The following WDHD1 variants were observed in gnomAD, a reference collection of about 807,000 sequenced individuals.
WDHD1 encodes the protein WD repeat and HMG-box DNA binding protein 1.
In WDHD1, 111 loss-of-function variants were observed where a neutral mutation model predicts 135.4. The observed-to-expected ratio is 0.82, with a 90% CI of 0.70 to 0.96. The LOEUF (loss-of-function observed/expected upper bound fraction) is 0.96, where lower values mean the gene tolerates loss of function less well. WDHD1 is among the 40% of genes least tolerant of loss of function. WDHD1 has a pLI of 0.00. For synonymous variants in WDHD1, 434 were observed against 439.0 expected (o/e 0.99, Z 0.14); for missense variants, 1,351 against 1,336.3 (o/e 1.01, Z -0.17).
intron 15 of WDHD1, among the ~76,000 whole-genome samples, chr14:54,982,013 TA>T (rs1002723859): frequency 1.3e-5 from 2 of 151,490 alleles, no homozygotes; most frequent in African/African-American, 4.9e-5. Context: ...TTATTATTAT[TA>T]TTTTTTTTTT....
chr14:55,007,086 G>A (rs1222702046), intron 7 of WDHD1, among the ~76,000 whole-genome samples, 194 bp downstream of exon 7: 1 of 151,814 alleles, frequency 6.6e-6, no homozygotes, highest in Admixed American at 6.6e-5. Context: ...AAATTAGCTG[G>A]GCATGGCAGT....
chr14:54,943,974 T>C (rs941665585), intron 25 of WDHD1, among the ~76,000 whole-genome samples: 12 of 151,990 alleles, frequency 7.9e-5, no homozygotes, highest in African/African-American at 2.9e-4. Context: ...AAAAAACCCA[T>C]CACCATTACA....
chr14:54,960,892 T>C (rs1307238092), intron 21 of WDHD1, among the ~76,000 whole-genome samples: 2 of 152,184 alleles, frequency 1.3e-5, no homozygotes, highest in Non-Finnish European at 2.9e-5. Flanking sequence ...CTCGAACTCC[T>C]GGGCTCAAGA....
chr14:55,006,942 T>C (rs114512008), intron 7 of WDHD1, among the ~76,000 whole-genome samples: 198 of 152,112 alleles, frequency 1.3e-3, no homozygotes, highest in African/African-American at 4.6e-3. Context: ...AAAATAAGAA[T>C]CATGCCAGGC....
rs886427406 is a variant in WDHD1, at chr14:54,997,037, G to A, written c.943-1224C>T. On this transcript the variant is annotated intron_variant, in intron 10 of 25. Transcript: ENST00000360586. Reference sequence around the variant, plus strand: ...GATCTCTTGACCTCGTGATCCACCCGCCTCAGACTCCCAAAGTGCTGGGAT... The same window carrying A: ...GATCTCTTGACCTCGTGATCCACCCACCTCAGACTCCCAAAGTGCTGGGAT... Among the ~76,000 whole-genome samples, 4 of 146,172 alleles carry A rather than the reference G, an allele frequency of 2.7e-5. No homozygotes were observed. In the South Asian group the frequency reaches 6.5e-4, roughly 24 times the overall value.
Position 54,989,186 on chromosome 14 carries a change from G to A in WDHD1, c.1368C>T (p.Arg456=), listed in dbSNP as rs940643503. The A allele has an allele frequency of 2.5e-6, 4 of 1,612,914 alleles. No homozygotes were observed. In the African/African-American group the frequency reaches 5.3e-5, roughly 22 times the overall value. The change falls in exon 13 of 26, where the codon CGC becomes CGT. Residue 456 remains arginine, a synonymous_variant. Coordinates refer to ENST00000360586, the MANE Select transcript of WDHD1 (RefSeq NM_007086.4). ...FMVWNSIGII[R]CYNDEQDNAI... ...CATTGTCTTGCTCATCATTATAGCA[G>A]CGAATAATTCCAATAGAGTTCCACA...
At chr14:54,997,687 C>G (rs1288014487) in intron 10 of WDHD1, among the ~76,000 whole-genome samples, 1 of 150,152 alleles carries the variant, frequency 6.7e-6, no homozygotes, top group Non-Finnish European at 1.5e-5. Flanking sequence ...CCGAGGTGGG[C>G]AGATCACGAG....
intron 9 of WDHD1, 47 bp downstream of exon 9, chr14:55,000,839 C>CTATT: frequency 7.4e-7 from 1 of 1,358,824 alleles, no homozygotes; most frequent in Non-Finnish European, 9.8e-7. Context: ...AAATACAAAA[C>CTATT]TAATAGAGAT....
intron 7 of WDHD1, among the ~76,000 whole-genome samples, chr14:55,006,065 T>C (rs2042064141): frequency 6.6e-6 from 1 of 152,002 alleles, no homozygotes; most frequent in Non-Finnish European, 1.5e-5. Context: ...GGTCTTGCTA[T>C]GTTGCCCAGG....
At chr14:54,948,186 G>C (rs1465210273) in intron 24 of WDHD1, among the ~76,000 whole-genome samples, 1 of 152,094 alleles carries the variant, frequency 6.6e-6, no homozygotes, top group Non-Finnish European at 1.5e-5. Flanking sequence ...TCTCACTAGG[G>C]CTTGTCGGAC....
At chr14:54,978,630 T>C (rs1000543812) in intron 16 of WDHD1, among the ~76,000 whole-genome samples, 1 of 151,826 alleles carries the variant, frequency 6.6e-6, no homozygotes, top group African/African-American at 2.4e-5. Context: ...TGATACTAAA[T>C]ATGTCAATAT....
At chr14:55,004,840 G>A in intron 7 of WDHD1, 1 of 501,924 alleles carries the variant, frequency 2.0e-6, no homozygotes, top group East Asian at 5.3e-5. Flanking sequence ...TTGTTCCTAT[G>A]CATTCAGTGG....
chr14:54,989,440 T>C (rs2041749059), intron 12 of WDHD1, among the ~76,000 whole-genome samples: 1 of 152,112 alleles, frequency 6.6e-6, no homozygotes, highest in Non-Finnish European at 1.5e-5. Flanking sequence ...CATATATACT[T>C]ATTAATTAGC....
chr14:55,001,812 T>G (rs1336693857), intron 8 of WDHD1, among the ~76,000 whole-genome samples: 1 of 152,250 alleles, frequency 6.6e-6, no homozygotes, highest in Non-Finnish European at 1.5e-5. Flanking sequence ...ATCACAAGTC[T>G]CAGTGAAACT....
intron 23 of WDHD1, among the ~76,000 whole-genome samples, chr14:54,956,800 G>T (rs1329171754): frequency 6.6e-6 from 1 of 152,092 alleles, no homozygotes; most frequent in Non-Finnish European, 1.5e-5. Flanking sequence ...ATGTTTCCCA[G>T]ACTGGACTCA....
At chr14:55,026,319 G>T (rs988218606) in intron 2 of WDHD1, among the ~76,000 whole-genome samples, 1 of 150,824 alleles carries the variant, frequency 6.6e-6, no homozygotes, top group African/African-American at 2.5e-5. Flanking sequence ...CCGTCAAAAA[G>T]TTAAAAAAAA....
At chr14:55,020,824 A>G (rs1020058209) in intron 2 of WDHD1, among the ~76,000 whole-genome samples, 2 of 152,220 alleles carry the variant, frequency 1.3e-5, no homozygotes, top group Admixed American at 6.5e-5. Flanking sequence ...CAATTAACAC[A>G]TATTTTGTCT....
At chr14:55,000,431 T>C (rs775526469) in intron 10 of WDHD1, 72 bp downstream of exon 10, 15 of 1,433,544 alleles carry the variant, frequency 1.0e-5, no homozygotes, top group South Asian at 1.7e-5. Context: ...GTAAGGCAGT[T>C]TGTGGTGTCT....
chr14:54,973,758 T>C (rs2041477527), intron 16 of WDHD1, among the ~76,000 whole-genome samples: 1 of 152,248 alleles, frequency 6.6e-6, no homozygotes, highest in Non-Finnish European at 1.5e-5. Context: ...AACATTTTTT[T>C]CTAAAATGTC....
Sources: gnomAD v4.1 joint callset for allele counts (sites outside exome capture counted in the v4.1 genomes callset) on GRCh38, gnomAD v4.1.1 for gene constraint, MANE v1.5 for transcripts, NCBI Gene and HGNC (gene_info 2026-07-23, HGNC 2026-07-21) for gene names.